SLC28A3: variants seen among roughly 807,000 people sequenced by gnomAD.
The protein encoded by SLC28A3 is solute carrier family 28 member 3, also known as concentrative Na(+)-nucleoside cotransporter 3.
Under a neutral mutation model 84.2 loss-of-function variants are expected in SLC28A3, and 68 were observed. That is an observed-to-expected ratio of 0.81 (90% CI 0.66 to 0.99). The LOEUF (loss-of-function observed/expected upper bound fraction) is 0.99, where lower values mean the gene tolerates loss of function less well. Ranked by LOEUF, SLC28A3 falls within the 50% of genes least tolerant of loss-of-function variation. The pLI is 0.00. For synonymous variants in SLC28A3, 267 were observed against 303.6 expected (o/e 0.88, Z 1.25); for missense variants, 712 against 841.5 (o/e 0.85, Z 1.90).
intron 4 of SLC28A3, among the ~76,000 whole-genome samples, chr9:84,303,454 G>A (rs1327076510): frequency 6.6e-6 from 1 of 152,188 alleles, no homozygotes; most frequent in Non-Finnish European, 1.5e-5. Context: ...CTGAGTACCT[G>A]GGATTACAGG....
chr9:84,316,261 C>G (rs1190723228), intron 1 of SLC28A3, among the ~76,000 whole-genome samples: 1 of 152,186 alleles, frequency 6.6e-6, no homozygotes, highest in East Asian at 1.9e-4. Flanking sequence ...TAAAATGACT[C>G]CCCTATTTGT....
At chr9:84,360,696 T>C in the SLC28A3 span, among the ~76,000 whole-genome samples, 1 of 151,780 alleles carries the variant, frequency 6.6e-6, no homozygotes, top group Non-Finnish European at 1.5e-5. Flanking sequence ...GGCAGGAGGA[T>C]TGCTTGAACT....
chr9:84,281,393 G>A (rs1564143862), intron 14 of SLC28A3, among the ~76,000 whole-genome samples: 1 of 152,180 alleles, frequency 6.6e-6, no homozygotes, highest in Non-Finnish European at 1.5e-5. Flanking sequence ...AAAAGTACAT[G>A]AAAAGATGTT....
At chr9:84,362,449 T>C in the SLC28A3 span, among the ~76,000 whole-genome samples, 1 of 152,042 alleles carries the variant, frequency 6.6e-6, no homozygotes, top group Admixed American at 6.6e-5. Flanking sequence ...CTGGCCAACA[T>C]GGTGAAACCC....
In SLC28A3 at chr9:84,288,087, G is replaced by C. The variant is rs567058690; in HGVS notation, c.1241C>G (p.Pro414Arg). The C allele has an allele frequency of 1.9e-6, 3 of 1,613,996 alleles. No individual in the cohort carries two copies. Among genetic ancestry groups the C allele is most frequent in the Admixed American group, 1.7e-5 (1 of 60,008 alleles). ...CATGGCATTCTTGAGGGTTATTTTA[G>C]GTTTTTCTGTCTCAGGCCAAAAGAG... Reference protein sequence around the residue: ...AKLFWPETEKPKITLKNAMKM... With the variant: ...AKLFWPETEKRKITLKNAMKM... The change falls in exon 12 of 18, where the codon CCT becomes CGT. Residue 414 changes from proline (P) to arginine (R), a missense_variant. By Grantham distance (103) the Pro-to-Arg change is moderately radical. Coordinates refer to ENST00000376238, the MANE Select transcript of SLC28A3 (RefSeq NM_001199633.2).
chr9:84,304,379 C>T (rs747393203), intron 4 of SLC28A3, among the ~76,000 whole-genome samples: 3 of 151,816 alleles, frequency 2.0e-5, no homozygotes, highest in African/African-American at 4.8e-5. Flanking sequence ...AGGGTGCTTA[C>T]GTTTTATAGA....
intron 1 of SLC28A3, among the ~76,000 whole-genome samples, chr9:84,330,802 TAAA>T: frequency 6.6e-6 from 1 of 152,188 alleles, no homozygotes; most frequent in Non-Finnish European, 1.5e-5. Context: ...TGAGGTTCCA[TAAA>T]ATATAGTTAA....
At chr9:84,348,452 A>G in the SLC28A3 span, among the ~76,000 whole-genome samples, 1 of 152,056 alleles carries the variant, frequency 6.6e-6, no homozygotes, top group East Asian at 1.9e-4. Context: ...GCTAGTTACT[A>G]GTAACCCCTG....
At chr9:84,342,252 T>C (rs1261379517), upstream of SLC28A3, among the ~76,000 whole-genome samples, 1 of 150,992 alleles carries the variant, frequency 6.6e-6, no homozygotes, top group Non-Finnish European at 1.5e-5. Context: ...CTCCTTCAAA[T>C]GCTGCTGAGT....
At chr9:84,346,236 C>T in the SLC28A3 span, among the ~76,000 whole-genome samples, 1 of 152,176 alleles carries the variant, frequency 6.6e-6, no homozygotes, top group Admixed American at 6.5e-5. Context: ...CATGGACTGT[C>T]TACGCACAAG....
chr9:84,305,251 T>A lies in SLC28A3; in HGVS notation c.334+3A>T, dbSNP rs1213449401. On this transcript the variant is annotated splice_donor_region_variant and intron_variant, in intron 4 of 17. Coordinates refer to ENST00000376238, the MANE Select transcript of SLC28A3 (RefSeq NM_001199633.2). Reference sequence around the variant, plus strand: ...GGTATCCCTAACCATCTTTGTTATTTACCTGCTAATAAAATGCCCCAGATG... The same window carrying A: ...GGTATCCCTAACCATCTTTGTTATTAACCTGCTAATAAAATGCCCCAGATG... The A allele has an allele frequency of 1.2e-6, 2 of 1,609,304 alleles. No homozygotes were observed. The highest frequency in any genetic ancestry group is 4.5e-5 in the East Asian group (2 of 44,822).
the SLC28A3 span, among the ~76,000 whole-genome samples, chr9:84,357,175 T>C: frequency 1.3e-5 from 2 of 152,160 alleles, no homozygotes; most frequent in African/African-American, 4.8e-5. Flanking sequence ...GTTTAATAGA[T>C]ATCAGTTTAA....
At chr9:84,321,577 CA>C (rs564271324) in intron 1 of SLC28A3, among the ~76,000 whole-genome samples, 1 of 150,772 alleles carries the variant, frequency 6.6e-6, no homozygotes, top group Non-Finnish European at 1.5e-5. Flanking sequence ...ACTAAAAATA[CA>C]AAAAAATTAG....
At chr9:84,333,974 G>T (rs1826879689) in intron 1 of SLC28A3, among the ~76,000 whole-genome samples, 1 of 152,234 alleles carries the variant, frequency 6.6e-6, no homozygotes, top group South Asian at 2.1e-4. Flanking sequence ...TTATGAAATG[G>T]GATGAGCTGC....
chr9:84,291,078 G>A (rs1825201310), intron 10 of SLC28A3, among the ~76,000 whole-genome samples: 1 of 152,170 alleles, frequency 6.6e-6, no homozygotes, highest in African/African-American at 2.4e-5. Flanking sequence ...ACAGAAGCTT[G>A]TGTGCAATTT....
At chr9:84,334,939 C>T (rs529331794) in intron 1 of SLC28A3, among the ~76,000 whole-genome samples, 25 of 152,242 alleles carry the variant, frequency 1.6e-4, no homozygotes, top group African/African-American at 5.8e-4. Context: ...GATCGCCCCT[C>T]TCCTGGTTCT....
At chr9:84,306,321 C>G (rs1180930923) in intron 3 of SLC28A3, among the ~76,000 whole-genome samples, 1 of 152,184 alleles carries the variant, frequency 6.6e-6, no homozygotes, top group Non-Finnish European at 1.5e-5. Context: ...GACCTGCACT[C>G]CCCTTGGCCA....
At chr9:84,285,904 A>C in intron 13 of SLC28A3, 39 bp downstream of exon 13, 1 of 1,586,860 alleles carries the variant, frequency 6.3e-7, no homozygotes, top group Non-Finnish European at 8.6e-7. Context: ...AAAGATAGGC[A>C]GAAACAAAAC....
chr9:84,342,435 T>C (rs1293937522), upstream of SLC28A3, among the ~76,000 whole-genome samples: 7 of 69,230 alleles, frequency 1.0e-4, no homozygotes, highest in African/African-American at 1.3e-3. Context: ...TAGATTCTTG[T>C]GTGTGTGTGT....
Sources: gnomAD v4.1 joint callset for allele counts (sites outside exome capture counted in the v4.1 genomes callset) on GRCh38, gnomAD v4.1.1 for gene constraint, MANE v1.5 for transcripts, NCBI Gene and HGNC (gene_info 2026-07-23, HGNC 2026-07-21) for gene names.